The following SPON1 variants were observed in gnomAD, a reference collection of about 807,000 sequenced individuals.
SPON1 encodes spondin 1, also known as spondin-1.
SPON1 carries 52 observed loss-of-function variants against 111.7 expected under a neutral mutation model. The observed-to-expected ratio is 0.47, with a 90% CI of 0.37 to 0.59. The LOEUF is 0.59. SPON1 is among the 20% of genes least tolerant of loss of function. The probability of loss-of-function intolerance (pLI) is 0.00; values close to 1 mark genes in which losing one functional copy is unlikely to be tolerated. For missense variants in SPON1, 957 were observed against 1,068.5 expected (o/e 0.90, Z 1.46); for synonymous variants, 410 against 395.8 (o/e 1.04, Z -0.43).
chr11:14,059,469 C>T (rs1432372056), intron 3 of SPON1, among the ~76,000 whole-genome samples: 5 of 152,086 alleles, frequency 3.3e-5, no homozygotes, highest in African/African-American at 1.2e-4. Flanking sequence ...CCACTACCCC[C>T]TCAGGGCTCA....
At position 14,267,425 on chromosome 11, in the gene SPON1, T is replaced by G. The variant is rs1371234989; in HGVS notation, c.*1738T>G. ...GCACAATATAAAGAAACACAAGATT[T>G]AATTATTTTTCTACTTGGGGGGAAA... On this transcript the variant is annotated 3_prime_UTR_variant, in exon 16 of 16. Coordinates refer to ENST00000576479, the MANE Select transcript of SPON1 (RefSeq NM_006108.4). 1 of 146,562 alleles carries G rather than the reference T, an allele frequency of 6.8e-6. No homozygotes were observed. Among genetic ancestry groups the G allele is most frequent in the East Asian group, 2.1e-4 (1 of 4,772 alleles). The allele number at this position is 146,562 out of a possible 1,614,324, so 9.1% of individuals were successfully genotyped here.
intron 6 of SPON1, among the ~76,000 whole-genome samples, chr11:14,220,336 A>G (rs994243436): frequency 6.6e-6 from 1 of 152,182 alleles, no homozygotes; most frequent in Non-Finnish European, 1.5e-5. Flanking sequence ...CCTAGGTAAC[A>G]AAACTCTTGA....
intron 5 of SPON1, among the ~76,000 whole-genome samples, chr11:14,094,161 G>A (rs562376523): frequency 3.3e-5 from 5 of 150,446 alleles, no homozygotes; most frequent in South Asian, 4.2e-4. Context: ...GCAGTGAGCC[G>A]AGATTGTACC....
intron 6 of SPON1, among the ~76,000 whole-genome samples, chr11:14,241,834 T>C (rs1554939706): frequency 6.6e-6 from 1 of 152,192 alleles, no homozygotes; most frequent in Admixed American, 6.5e-5. Context: ...GAAATGTAAC[T>C]GCTCTGTTGG....
At position 14,255,816 on chromosome 11, in the gene SPON1, G is replaced by A. The variant is rs782644513; in HGVS notation, c.1233+29G>A. On this transcript the variant is annotated intron_variant, in intron 9 of 15. Transcript: ENST00000576479. ...CTGGGTTAGAACCCACTCTGGCATC[G>A]ACCTTTCCCGGTAGGAGTGCCAGGG... 15 of 1,607,714 alleles carry A rather than the reference G, an allele frequency of 9.3e-6. No individual in the cohort carries two copies. The Admixed American group carries it at 1.2e-4, about 13-fold the overall frequency.
intron 2 of SPON1, among the ~76,000 whole-genome samples, chr11:14,005,071 T>A (rs905306665): frequency 2.0e-5 from 3 of 152,250 alleles, no homozygotes. Flanking sequence ...AGAAGGTTTT[T>A]AGTTTCATGT....
intron 2 of SPON1, among the ~76,000 whole-genome samples, chr11:13,992,759 C>T (rs921125069): frequency 3.3e-5 from 5 of 152,046 alleles, no homozygotes; most frequent in Non-Finnish European, 7.3e-5. Flanking sequence ...GTATCTGTGC[C>T]GGAGTTCCTC....
At chr11:14,131,228 G>T (rs1847526115) in intron 5 of SPON1, among the ~76,000 whole-genome samples, 1 of 152,132 alleles carries the variant, frequency 6.6e-6, no homozygotes, top group Non-Finnish European at 1.5e-5. Flanking sequence ...GTGTGTTCTG[G>T]AGTCAGGCAG....
chr11:14,255,180 A>T (rs1554941060), intron 8 of SPON1, among the ~76,000 whole-genome samples: 1 of 152,258 alleles, frequency 6.6e-6, no homozygotes, highest in Non-Finnish European at 1.5e-5. Context: ...ATTTGTCAAT[A>T]AAGTTTTCAA....
chr11:14,090,777 C>T (rs1004561638), intron 5 of SPON1, among the ~76,000 whole-genome samples: 2 of 146,214 alleles, frequency 1.4e-5, no homozygotes, highest in Admixed American at 6.9e-5. Flanking sequence ...GAAGGGGACC[C>T]GGTTGCCACT....
chr11:14,141,029 C>CCCCCCCCCCCCCA (rs71041572), intron 6 of SPON1, among the ~76,000 whole-genome samples: 2 of 132,274 alleles, frequency 1.5e-5, no homozygotes, highest in Admixed American at 8.0e-5. Flanking sequence ...GTGCCCCCCC[C>CCCCCCCCCCCCCA]ATGCCCCACT....
At chr11:14,025,692 A>G (rs563189250) in intron 2 of SPON1, among the ~76,000 whole-genome samples, 25 of 152,206 alleles carry the variant, frequency 1.6e-4, no homozygotes, top group Non-Finnish European at 2.6e-4. Context: ...GGTGCAGCCT[A>G]TCAGACCTGG....
chr11:14,057,901 C>T (rs1848759111), intron 3 of SPON1, among the ~76,000 whole-genome samples: 1 of 151,192 alleles, frequency 6.6e-6, no homozygotes, highest in Non-Finnish European at 1.5e-5. Flanking sequence ...CCTGTGGTCC[C>T]AGCTACTAAG....
chr11:14,221,528 G>A (rs544535789), intron 6 of SPON1, among the ~76,000 whole-genome samples: 31 of 152,192 alleles, frequency 2.0e-4, no homozygotes, highest in Non-Finnish European at 4.0e-4. Context: ...TGTGATGAAT[G>A]GGATACACAG....
chr11:13,978,941 C>G (rs1848123427), intron 1 of SPON1, among the ~76,000 whole-genome samples: 1 of 152,126 alleles, frequency 6.6e-6, no homozygotes, highest in Admixed American at 6.6e-5. Context: ...TGAGCTTTGT[C>G]CTAAAGGCAG....
chr11:14,047,610 A>G (rs1375892063), intron 3 of SPON1, among the ~76,000 whole-genome samples: 1 of 152,214 alleles, frequency 6.6e-6, no homozygotes, highest in Admixed American at 6.5e-5. Flanking sequence ...GAGATGAATG[A>G]GGAATGGAAA....
chr11:13,963,999 A>G (rs2133770195), intron 1 of SPON1, among the ~76,000 whole-genome samples: 1 of 152,084 alleles, frequency 6.6e-6, no homozygotes, highest in East Asian at 2.0e-4. Flanking sequence ...CTCGGCTGAG[A>G]GTGGGGTTTC....
chr11:14,062,465 A>G (rs1036856728), intron 3 of SPON1, among the ~76,000 whole-genome samples: 5 of 152,200 alleles, frequency 3.3e-5, no homozygotes, highest in Non-Finnish European at 7.3e-5. Flanking sequence ...AACCAGTACA[A>G]TAGCATCGCA....
chr11:14,229,864 TCA>T (rs1848777189), intron 6 of SPON1, among the ~76,000 whole-genome samples: 1 of 152,130 alleles, frequency 6.6e-6, no homozygotes, highest in African/African-American at 2.4e-5. Flanking sequence ...AAGAGCGTTT[TCA>T]CAGTCAGAGA....
Sources: gnomAD v4.1 joint callset for allele counts (sites outside exome capture counted in the v4.1 genomes callset) on GRCh38, gnomAD v4.1.1 for gene constraint, MANE v1.5 for transcripts, NCBI Gene and HGNC (gene_info 2026-07-23, HGNC 2026-07-21) for gene names.